Variants in FMN2 observed in about 807,000 individuals in gnomAD.
FMN2 encodes the protein formin-2.
FMN2 carries 51 observed loss-of-function variants against 142.3 expected under a neutral mutation model. The observed-to-expected ratio is 0.36, with a 90% CI of 0.29 to 0.45. FMN2 has a LOEUF of 0.45. Ranked by LOEUF, FMN2 falls within the 20% of genes least tolerant of loss-of-function variation. FMN2 has a pLI of 1.00. For synonymous variants in FMN2, 882 were observed against 869.8 expected, an observed-to-expected ratio of 1.01 and a Z score of -0.25; for missense variants, 1,936 against 2,122.8, an observed-to-expected ratio of 0.91 and a Z score of 1.73.
chr1:240,209,948 GCCCTGGTTTACAGT>G (rs1558367525), intron 5 of FMN2, among the ~76,000 whole-genome samples: 1 of 152,114 alleles, frequency 6.6e-6, no homozygotes. Context: ...AAAATGCACA[GCCCTGGTTTACAGT>G]CCCATCTTGT....
chr1:240,101,246 T>C (rs1200758126), intron 1 of FMN2, among the ~76,000 whole-genome samples: 1 of 152,202 alleles, frequency 6.6e-6, no homozygotes, highest in African/African-American at 2.4e-5. Context: ...ATTTCAGCAC[T>C]GTGGTTCTAT....
chr1:240,336,582 A>G (rs6683898), intron 13 of FMN2, among the ~76,000 whole-genome samples: 54,069 of 101,052 alleles, frequency 0.54, 18,510 homozygotes, highest in African/African-American at 0.75. Context: ...AAAAAAAAAA[A>G]GGTGGTTGCA....
intron 16 of FMN2, among the ~76,000 whole-genome samples, chr1:240,439,591 A>G (rs1675537516): frequency 6.6e-6 from 1 of 152,210 alleles, no homozygotes; most frequent in Non-Finnish European, 1.5e-5. Context: ...GTTTGAACAG[A>G]AGGAAAACCC....
chr1:240,326,615 T>C (rs755640909), intron 8 of FMN2, among the ~76,000 whole-genome samples: 13 of 152,152 alleles, frequency 8.5e-5, no homozygotes, highest in Non-Finnish European at 1.9e-4. Flanking sequence ...CAACCCCACG[T>C]TGAGTCTATT....
intron 4 of FMN2, among the ~76,000 whole-genome samples, chr1:240,198,338 C>T (rs1284412632): frequency 6.6e-6 from 1 of 152,134 alleles, no homozygotes; most frequent in Non-Finnish European, 1.5e-5. Context: ...ATTACTTTAA[C>T]CTTCCCATCG....
chr1:240,410,564 G>T (rs1392694493), intron 15 of FMN2, among the ~76,000 whole-genome samples: 2 of 152,070 alleles, frequency 1.3e-5, no homozygotes, highest in East Asian at 1.9e-4. Flanking sequence ...ATTCCAAAAG[G>T]ATTAAGGAAG....
chr1:240,230,021 AT>A (rs139841407), intron 6 of FMN2, among the ~76,000 whole-genome samples: 4,141 of 131,230 alleles, frequency 0.032, 1,268 homozygotes, highest in African/African-American at 0.13. Flanking sequence ...CTAACCAAAA[AT>A]TTATAGAAGA....
intron 4 of FMN2, among the ~76,000 whole-genome samples, chr1:240,191,222 T>C (rs951253701): frequency 6.6e-6 from 1 of 152,262 alleles, no homozygotes; most frequent in African/African-American, 2.4e-5. Flanking sequence ...TTGGAATTTA[T>C]TGAATGAGTT....
intron 6 of FMN2, among the ~76,000 whole-genome samples, chr1:240,254,804 C>T (rs758727000): frequency 2.6e-5 from 4 of 152,078 alleles, no homozygotes; most frequent in Admixed American, 6.6e-5. Context: ...GCCCTGGCTG[C>T]GGTTGGAGGA....
chr1:240,218,437 C>T (rs1246096197), intron 6 of FMN2, among the ~76,000 whole-genome samples: 1 of 151,904 alleles, frequency 6.6e-6, no homozygotes, highest in Non-Finnish European at 1.5e-5. Flanking sequence ...ATGCCAGACG[C>T]AGTGGCATGT....
chr1:240,365,198 T>C (rs1451074695), intron 14 of FMN2, among the ~76,000 whole-genome samples: 1 of 140,614 alleles, frequency 7.1e-6, no homozygotes, highest in Non-Finnish European at 1.5e-5. Flanking sequence ...TACATACATA[T>C]GTGTGTGTAT....
At chr1:240,454,892 A>G (rs548038244) in intron 16 of FMN2, among the ~76,000 whole-genome samples, 1 of 152,304 alleles carries the variant, frequency 6.6e-6, no homozygotes, top group African/African-American at 2.4e-5. Context: ...TCATGGGCCA[A>G]CAAATGAATG....
intron 15 of FMN2, among the ~76,000 whole-genome samples, chr1:240,412,655 T>G (rs9728108): frequency 0.033 from 4,956 of 149,960 alleles, 285 homozygotes; most frequent in African/African-American, 0.11. Context: ...AAAAAAAAAG[T>G]GTGACAGAAT....
At chr1:240,188,875 A>T (rs1324120505) in intron 4 of FMN2, among the ~76,000 whole-genome samples, 1 of 152,180 alleles carries the variant, frequency 6.6e-6, no homozygotes, top group African/African-American at 2.4e-5. Context: ...AGCAAATCAC[A>T]TCTTATGTGG....
intron 2 of FMN2, among the ~76,000 whole-genome samples, chr1:240,159,161 G>C (rs531456318): frequency 6.6e-6 from 1 of 151,686 alleles, no homozygotes; most frequent in Non-Finnish European, 1.5e-5. Flanking sequence ...TTGTCCAACT[G>C]CTACAAAATT....
intron 16 of FMN2, among the ~76,000 whole-genome samples, chr1:240,456,681 C>A (rs901340927): frequency 4.6e-5 from 7 of 152,156 alleles, no homozygotes; most frequent in Non-Finnish European, 1.0e-4. Flanking sequence ...GTCGCGAACT[C>A]CCGACCTCAG....
At chr1:240,235,952 G>T (rs1667696089) in intron 6 of FMN2, 1 of 152,080 alleles carries the variant, frequency 6.6e-6, no homozygotes, top group Non-Finnish European at 1.5e-5. Flanking sequence ...TAAGTTTCTA[G>T]TTTTTTAATA....
chr1:240,284,600 A>G (rs1669524545), intron 7 of FMN2, among the ~76,000 whole-genome samples: 1 of 152,184 alleles, frequency 6.6e-6, no homozygotes, highest in Non-Finnish European at 1.5e-5. Context: ...TTTAACACCT[A>G]AAGACAAACA....
At chr1:240,357,375 T>C (rs1388609312) in intron 14 of FMN2, among the ~76,000 whole-genome samples, 4 of 152,242 alleles carry the variant, frequency 2.6e-5, no homozygotes, top group African/African-American at 4.8e-5. Flanking sequence ...GACTAGTGTT[T>C]TCCATACTGA....
Sources: allele counts gnomAD v4.1 joint callset (sites outside exome capture counted in the v4.1 genomes callset), GRCh38; gene constraint gnomAD v4.1.1; transcripts MANE v1.5; gene names NCBI Gene and HGNC (gene_info 2026-07-23, HGNC 2026-07-21).